Variants in CD99 observed in about 807,000 individuals in gnomAD.
CD99 encodes CD99 molecule (Xg blood group), also known as CD99 antigen.
A neutral mutation model predicts 28.4 loss-of-function variants in CD99; 19 were observed. The observed-to-expected ratio is 0.67, with a 90% CI of 0.47 to 0.98. The LOEUF (loss-of-function observed/expected upper bound fraction) is 0.98. CD99 is among the 50% of genes least tolerant of loss of function. The pLI, the probability that CD99 is intolerant of heterozygous loss-of-function variation, is 0.00. For synonymous variants in CD99, 103 were observed against 92.1 expected (o/e 1.12, Z -0.67); for missense variants, 283 against 248.8 (o/e 1.14, Z -0.92).
intron 1 of CD99, among the ~76,000 whole-genome samples, chrX:2,707,061 G>A (rs184886870): frequency 0.039 from 5,923 of 152,194 alleles, 182 homozygotes; most frequent in Non-Finnish European, 0.063. Flanking sequence ...CGGGCGCGGC[G>A]GCTCACATCT....
chrX:2,711,390 GTATATATAGTATGTGTGTGTATTATATA>G (rs2048400889), intron 1 of CD99, among the ~76,000 whole-genome samples: 1 of 139,070 alleles, frequency 7.2e-6, no homozygotes, highest in Admixed American at 7.1e-5. Flanking sequence ...TATAGTATGT[GTATATATAGTATGTGTGTGTATTATATA>G]TATATATAGT....
chrX:2,733,326 A>T, intron 8 of CD99: 1 of 1,560,136 alleles, frequency 6.4e-7, no homozygotes, highest in Non-Finnish European at 8.7e-7. Context: ...TTGTATTATT[A>T]TTTTTTATCG....
intron 8 of CD99, among the ~76,000 whole-genome samples, chrX:2,731,833 T>C (rs1303822569): frequency 6.6e-6 from 1 of 152,086 alleles, no homozygotes; most frequent in African/African-American, 2.4e-5. Flanking sequence ...TGCAGTGTTA[T>C]ATTTTGGGGT....
chrX:2,737,467 G>A (rs1197585487), intron 8 of CD99, among the ~76,000 whole-genome samples: 1 of 148,666 alleles, frequency 6.7e-6, no homozygotes, highest in Non-Finnish European at 1.5e-5. Flanking sequence ...GAGCCACCAT[G>A]CCCAGCCTCT....
chrX:2,706,098 G>T (rs1203423506), intron 1 of CD99, among the ~76,000 whole-genome samples: 1 of 149,776 alleles, frequency 6.7e-6, no homozygotes, highest in African/African-American at 2.5e-5. Flanking sequence ...GGTGGCTCAC[G>T]CCTGTCATCC....
intron 8 of CD99, among the ~76,000 whole-genome samples, chrX:2,728,834 CTT>C (rs1332444102): frequency 2.7e-4 from 32 of 119,598 alleles, no homozygotes; most frequent in African/African-American, 5.8e-4. Context: ...AACTCTCTGG[CTT>C]TTTTTTTTTT....
intron 8 of CD99, among the ~76,000 whole-genome samples, chrX:2,736,693 T>TA (rs1341284424): frequency 1.3e-5 from 2 of 151,468 alleles, no homozygotes; most frequent in Non-Finnish European, 2.9e-5. Flanking sequence ...CCATCTCTAC[T>TA]AAAAATACAA....
chrX:2,691,666 ACT>A (rs1446585830), intron 1 of CD99: 13 of 704,394 alleles, frequency 1.8e-5, no homozygotes, highest in Non-Finnish European at 3.4e-5. Flanking sequence ...GGAGTTGCAA[ACT>A]CTTACATGTG....
chrX:2,691,350 C>G lies in CD99; in HGVS notation c.-11C>G. The G allele has an allele frequency of 1.9e-6, 3 of 1,561,400 alleles. No homozygotes were observed. Among genetic ancestry groups the G allele is most frequent in the Non-Finnish European group, 2.6e-6 (3 of 1,164,132 alleles). ...CACTCCGGGACCGTCCCTGCGCGCT[C>G]TGGGCGCACCATGGCCCGCGGGGCT... On this transcript the variant is annotated 5_prime_UTR_variant, in exon 1 of 10. Coordinates refer to ENST00000381192, the MANE Select transcript of CD99 (RefSeq NM_002414.5).
chrX:2,714,864 C>G (rs190442052), intron 2 of CD99: 1 of 163,998 alleles, frequency 6.1e-6, no homozygotes, highest in African/African-American at 2.4e-5. Context: ...ATGTGTCCAC[C>G]TGCCTTATTA....
chrX:2,731,417 C>T (rs951018757), intron 8 of CD99, among the ~76,000 whole-genome samples: 1 of 152,138 alleles, frequency 6.6e-6, no homozygotes, highest in Admixed American at 6.6e-5. Flanking sequence ...TGGTGAAACC[C>T]TGGCTCTACT....
chrX:2,700,154 A>C (rs955500797), intron 1 of CD99, among the ~76,000 whole-genome samples: 18 of 152,156 alleles, frequency 1.2e-4, no homozygotes, highest in African/African-American at 4.3e-4. Flanking sequence ...CTCCCCAGGC[A>C]CGGCCTTGTG....
intron 8 of CD99, among the ~76,000 whole-genome samples, chrX:2,730,482 T>C (rs766047654): frequency 5.5e-4 from 84 of 152,050 alleles, no homozygotes; most frequent in Middle Eastern, 3.4e-3. Context: ...CCCAAAATAA[T>C]TTTTTTTAAA....
chrX:2,693,971 T>TGCC (rs1434612856), intron 1 of CD99, among the ~76,000 whole-genome samples: 1 of 152,152 alleles, frequency 6.6e-6, no homozygotes, highest in African/African-American at 2.4e-5. Context: ...GCACAAAGAA[T>TGCC]TCATCTGGTC....
At chrX:2,728,163 G>A (rs1338291700) in intron 8 of CD99, among the ~76,000 whole-genome samples, 1 of 151,272 alleles carries the variant, frequency 6.6e-6, no homozygotes, top group East Asian at 1.9e-4. Flanking sequence ...CCTCCTACCT[G>A]GTGGGCAGAC....
intron 2 of CD99, 27 bp from the exon 3 acceptor site, chrX:2,717,578 A>G (rs1332190925): frequency 6.3e-7 from 1 of 1,595,956 alleles, no homozygotes; most frequent in Non-Finnish European, 8.6e-7. Flanking sequence ...TGCAACTTTT[A>G]CTAACTGAAA....
chrX:2,707,742 G>C (rs1383184286), intron 1 of CD99, among the ~76,000 whole-genome samples: 1 of 152,160 alleles, frequency 6.6e-6, no homozygotes, highest in Non-Finnish European at 1.5e-5. Flanking sequence ...TGCCGTAAAC[G>C]TGCAACACAG....
intron 8 of CD99, among the ~76,000 whole-genome samples, chrX:2,732,219 C>T (rs969927837): frequency 7.2e-5 from 11 of 152,188 alleles, no homozygotes; most frequent in Admixed American, 3.3e-4. Flanking sequence ...TCTGTGACTT[C>T]GCATCTGGGT....
Position 2,741,140 on chromosome X carries a change from T to A in CD99, c.*336T>A, listed in dbSNP as rs1277626899. 11 of 362,828 alleles carry A rather than the reference T, an allele frequency of 3.0e-5. No homozygotes were observed. Among genetic ancestry groups the A allele is most frequent in the Non-Finnish European group, 5.5e-5 (11 of 200,230 alleles). 22.5% of individuals were successfully genotyped at this position (362,828 alleles called of 1,614,324 possible). A position where few individuals can be genotyped will look rare whatever the true frequency, so the allele number is the denominator to read the frequency against. On this transcript the variant is annotated 3_prime_UTR_variant, in exon 10 of 10. Coordinates refer to ENST00000381192, the MANE Select transcript of CD99 (RefSeq NM_002414.5). ...GGCACCCCCCCGTCCCCCAGAATCT[T>A]GGCTGTTTACAAATCACGTGTCCAT... is the stretch of plus-strand genomic sequence containing the variant.
Sources: gnomAD v4.1 joint callset for allele counts (sites outside exome capture counted in the v4.1 genomes callset) on GRCh38, gnomAD v4.1.1 for gene constraint, MANE v1.5 for transcripts, NCBI Gene and HGNC (gene_info 2026-07-23, HGNC 2026-07-21) for gene names.